Variants in SLX4 observed in about 807,000 individuals in gnomAD.
SLX4 encodes the protein SLX4 structure-specific endonuclease subunit.
A neutral mutation model predicts 146.2 loss-of-function variants in SLX4; 112 were observed. The observed-to-expected ratio is 0.77, with a 90% CI of 0.66 to 0.90. The LOEUF is 0.90. Among genes scored for constraint, SLX4 ranks in the 40% least tolerant of loss-of-function variants. The pLI is 0.00. For synonymous variants in SLX4, 1,061 were observed against 997.7 expected (o/e 1.06, Z -1.20); for missense variants, 2,563 against 2,392.7 (o/e 1.07, Z -1.49).
At position 3,600,981 on chromosome 16, in the gene SLX4, G is replaced by T; in HGVS notation, c.1161C>A (p.Phe387Leu). 2 of 1,613,508 alleles carry T rather than the reference G, an allele frequency of 1.2e-6. No homozygotes were observed. Among genetic ancestry groups the T allele is most frequent in the South Asian group, 2.2e-5 (2 of 91,028 alleles). The change falls in exon 5 of 15, where the codon TTC (phenylalanine) becomes TTA (leucine). Residue 387 changes from phenylalanine to leucine, a missense_variant and splice_region_variant. Phe to Leu is a conservative substitution (Grantham distance 22). Transcript: ENST00000294008. ...TTTCTTCCTTTTCGTCGACTTACCT[G>T]AACATGGGTGGGCTGCTGCTACCCT... The part of the protein sequence containing the change: ...QPEGSSSPPM[F>L]SFSDHSRGLK...
In SLX4 at chr16:3,589,990, C is replaced by T. The variant is rs139544666; in HGVS notation, c.3648G>A (p.Gln1216=). 1 of 1,614,096 alleles carries T rather than the reference C, an allele frequency of 6.2e-7. No individual in the cohort carries two copies. The highest frequency in any genetic ancestry group is 8.5e-7 in the Non-Finnish European group (1 of 1,180,032). Residue 1216 remains glutamine (Q), a synonymous_variant, in exon 12 of 15, where the codon CAG becomes CAA. Coordinates refer to ENST00000294008, the MANE Select transcript of SLX4 (RefSeq NM_032444.4). This position sits in a 1 kb window ranked among gnomAD's most constrained non-coding sequence, Gnocchi z 6.2. ...TCTCCGGCAGCGCCCCCTCATCCTCCTGCTGCAGCACAGCTTCGCTTCTTG... is the reference window on the plus strand; with the variant it reads ...TCTCCGGCAGCGCCCCCTCATCCTCTTGCTGCAGCACAGCTTCGCTTCTTG... ...SPPRSEAVLQ[Q]EDEGALPENR... is the part of the protein sequence containing the mutation.
At position 3,596,333 on chromosome 16, in the gene SLX4, G is replaced by A. The variant is rs1374779146; in HGVS notation, c.1744C>T (p.Arg582Ter). 4 of 1,589,168 alleles carry A rather than the reference G, an allele frequency of 2.5e-6. No individual in the cohort carries two copies. Among genetic ancestry groups the A allele is most frequent in the East Asian group, 2.3e-5 (1 of 43,964 alleles). ...GTGCCGTGGAGAGCGGGTGACCTTC[G>A]CTCGCTCAGCTCTGAGTGCTCAGGT... ...VPPEHSELSE[R>*]RSPALHGTPT... Residue 582 changes from arginine (R) to a stop codon, truncating the protein, a stop_gained, in exon 8 of 15, where the codon CGA becomes TGA. Coordinates refer to ENST00000294008, the MANE Select transcript of SLX4 (RefSeq NM_032444.4). LOFTEE classifies it high-confidence loss of function.
chr16:3,582,757 C>A, intron 14 of SLX4, 64 bp from the exon 15 acceptor site: 1 of 1,443,642 alleles, frequency 6.9e-7, no homozygotes, highest in Non-Finnish European at 9.5e-7. Flanking sequence ...GACCATGAGC[C>A]TCTTTAAAGG....
At position 3,589,260 on chromosome 16, in the gene SLX4, C is replaced by T. The variant is rs749082427; in HGVS notation, c.4378G>A (p.Glu1460Lys). ...STSSPSRRMN[E>K]AADSRDCRSP... ...CGACAGTCACGGCTGTCGGCGGCCT[C>T]GTTCATCCTGCGGCTGGGGCTGCTG... is the stretch of plus-strand genomic sequence containing the variant. The change falls in exon 12 of 15, where the codon GAG becomes AAG. Residue 1460 changes from glutamate to lysine, a missense_variant. By Grantham distance (56) the Glu-to-Lys change is moderately conservative. Coordinates refer to ENST00000294008, the MANE Select transcript of SLX4 (RefSeq NM_032444.4). This position sits in a 1 kb window ranked among gnomAD's most constrained non-coding sequence, Gnocchi z 6.2. The T allele has an allele frequency of 1.9e-6, 3 of 1,603,394 alleles. No homozygotes were observed. The highest frequency in any genetic ancestry group is 2.6e-6 in the Non-Finnish European group (3 of 1,173,254).
intron 2 of SLX4, among the ~76,000 whole-genome samples, 198 bp downstream of exon 2, chr16:3,608,232 G>A (rs768413812): frequency 5.9e-5 from 9 of 152,190 alleles, no homozygotes; most frequent in Non-Finnish European, 1.2e-4. Flanking sequence ...GTGGCTGGCT[G>A]CCTGTTTTTG....
chr16:3,582,355 A>G lies in SLX4; in HGVS notation c.5492T>C (p.Val1831Ala). Residue 1831 changes from valine (V) to alanine (A), a missense_variant, in exon 15 of 15, where the codon GTG (valine) becomes GCG (alanine). Physicochemically the swap from Val to Ala is moderately conservative, Grantham distance 64 (BLOSUM62 0). Transcript: ENST00000294008. Reference protein sequence around the residue: ...RRRQPRGKKKVERN With the variant: ...RRRQPRGKKKAERN The stretch of plus-strand genomic sequence containing the variant: ...GGGATGGCCCCATCAGTTCCGCTCC[A>G]CCTTCTTCTTGCCCCGAGGCTGCCG... The G allele has an allele frequency of 6.2e-7, 1 of 1,611,992 alleles. No individual in the cohort carries two copies. Among genetic ancestry groups the G allele is most frequent in the Middle Eastern group, 2.0e-4 (1 of 5,030 alleles).
intron 4 of SLX4, 76 bp downstream of exon 4, chr16:3,602,042 T>G (rs555994718): frequency 6.4e-7 from 1 of 1,562,582 alleles, no homozygotes; most frequent in East Asian, 2.2e-5. Context: ...GGTGTGGAGA[T>G]CCGCACTCCA....
Position 3,583,441 on chromosome 16 carries a change from G to C in SLX4, c.4809C>G (p.His1603Gln). 6.2e-7 allele frequency: 1 copy of C among 1,614,192 alleles called. No individual in the cohort carries two copies. Among genetic ancestry groups the C allele is most frequent in the Non-Finnish European group, 8.5e-7 (1 of 1,180,036 alleles). Reference sequence around the variant, plus strand: ...CCTCGGAGTCTGAGTCCAGGGTCTGGTGAGTGTACTGGAATATCTCCTTCA... The same window carrying C: ...CCTCGGAGTCTGAGTCCAGGGTCTGCTGAGTGTACTGGAATATCTCCTTCA... ...LKLKEIFQYT[H>Q]QTLDSDSEDE... is the part of the protein sequence containing the mutation. The change falls in exon 14 of 15, where the codon CAC (histidine) becomes CAG (glutamine). Residue 1603 changes from histidine (H) to glutamine (Q), a missense_variant. His to Gln is a conservative substitution (Grantham distance 24). Transcript: ENST00000294008.
intron 2 of SLX4, among the ~76,000 whole-genome samples, chr16:3,607,374 G>A (rs543206314): frequency 2.0e-5 from 3 of 152,278 alleles, no homozygotes; most frequent in African/African-American, 7.2e-5. Context: ...GGAAGTGAGG[G>A]CAAAGGAAAT....
intron 8 of SLX4, among the ~76,000 whole-genome samples, 157 bp from the exon 9 acceptor site, chr16:3,595,850 T>G (rs962659609): frequency 6.6e-6 from 1 of 152,088 alleles, no homozygotes; most frequent in Non-Finnish European, 1.5e-5. Flanking sequence ...CCGCACACCC[T>G]GTCTCACCAC....
rs2151125546 is a variant in SLX4 at position 3,591,021 on chromosome 16, C to T, written c.2617G>A (p.Ala873Thr). The T allele has an allele frequency of 6.2e-7, 1 of 1,614,210 alleles. No individual in the cohort carries two copies. Among genetic ancestry groups the T allele is most frequent in the Non-Finnish European group, 8.5e-7 (1 of 1,180,046 alleles). The change falls in exon 12 of 15, where the codon GCC becomes ACC. Residue 873 changes from alanine to threonine, a missense_variant. Ala to Thr is a moderately conservative substitution (Grantham distance 58, BLOSUM62 0). Coordinates refer to ENST00000294008, the MANE Select transcript of SLX4 (RefSeq NM_032444.4). ...KLLQEERAAGAGEDADWLEGG... is the reference protein window; with the variant it reads ...KLLQEERAAGTGEDADWLEGG... ...TCCAGCCAGTCAGCGTCCTCGCCGG[C>T]ACCCGCTGCCCTTTCTTCCTGGAGA...
In SLX4 at chr16:3,598,571, A is replaced by C. The variant is rs563938990; in HGVS notation, c.1164-572T>G. On this transcript the variant is annotated intron_variant, in intron 5 of 14. Coordinates refer to ENST00000294008, the MANE Select transcript of SLX4 (RefSeq NM_032444.4). ...CTCGTTTGGTTTGGAGGAAATGAAC[A>C]GGAGTTTCCGGCTGGAGAGAACCTA... Among the ~76,000 whole-genome samples the C allele has an allele frequency of 3.9e-5, 6 of 152,340 alleles. No homozygotes were observed. The East Asian group carries it at 9.7e-4, about 25-fold the overall frequency.
intron 9 of SLX4, among the ~76,000 whole-genome samples, chr16:3,594,919 G>A (rs2040633886): frequency 6.6e-6 from 1 of 152,202 alleles, no homozygotes; most frequent in African/African-American, 2.4e-5. Context: ...GGGACAGGCT[G>A]CGGGATACCT....
intron 4 of SLX4, 171 bp from the exon 5 acceptor site, chr16:3,601,362 C>A: frequency 1.5e-6 from 1 of 670,988 alleles, no homozygotes; most frequent in Non-Finnish European, 2.6e-6. Flanking sequence ...AGACACTACA[C>A]TTAGGTATCT....
chr16:3,581,974 C>G lies in SLX4; in HGVS notation c.*368G>C. ...AGGAGAATTGCTTGAACCCGGGAGG[C>G]GGAGGTTGCAGTGAGCCGAGATTGT... On this transcript the variant is annotated 3_prime_UTR_variant, in exon 15 of 15. Coordinates refer to ENST00000294008, the MANE Select transcript of SLX4 (RefSeq NM_032444.4). 1 of 285,008 alleles carries G rather than the reference C, an allele frequency of 3.5e-6. No homozygotes were observed. Among genetic ancestry groups the G allele is most frequent in the Non-Finnish European group, 6.7e-6 (1 of 148,704 alleles). The allele number at this position is 285,008 out of a possible 1,614,324, so 17.7% of individuals were successfully genotyped here.
chr16:3,582,972 G>T (rs891507767), intron 14 of SLX4, 125 bp downstream of exon 14: 4 of 1,313,362 alleles, frequency 3.0e-6, no homozygotes, highest in Non-Finnish European at 3.3e-6. Flanking sequence ...TTTTCCCACA[G>T]GTCAAACCCA....
Position 3,596,181 on chromosome 16 carries a change from C to A in SLX4, c.1896G>T (p.Gly632=). The change falls in exon 8 of 15, where the codon GGG becomes GGT. Residue 632 remains glycine (G), a synonymous_variant. Transcript: ENST00000294008. The part of the protein sequence containing the change: ...GLSASPWPGS[G]GLAGSEGTAG... ...CAGTCCCTTCCGAGCCAGCCAGGCC[C>A]CCACTGCCGGGCCACGGGCTGGCGC... 2 of 1,551,914 alleles carry A rather than the reference C, an allele frequency of 1.3e-6. No homozygotes were observed. Among genetic ancestry groups the A allele is most frequent in the Non-Finnish European group, 1.7e-6 (2 of 1,150,246 alleles).
Position 3,608,877 on chromosome 16 carries a change from A to C in SLX4, c.88T>G (p.Ser30Ala). Residue 30 changes from serine to alanine, a missense_variant, in exon 2 of 15, where the codon TCC becomes GCC. By Grantham distance (99) the Ser-to-Ala change is moderately conservative (BLOSUM62 1). Coordinates refer to ENST00000294008, the MANE Select transcript of SLX4 (RefSeq NM_032444.4). Reference protein sequence around the residue: ...LSACPGIDPRSSEDQPESLKT... With the variant: ...LSACPGIDPRASEDQPESLKT... ...AGGCTTTCAGGCTGGTCTTCAGAGG[A>C]GCGAGGGTCAATCCCAGGACAGGCA... 6 of 1,614,162 alleles carry C rather than the reference A, an allele frequency of 3.7e-6. No homozygotes were observed. Among genetic ancestry groups the C allele is most frequent in the Non-Finnish European group, 5.1e-6 (6 of 1,180,040 alleles).
At chr16:3,602,992 C>T (rs60876027) in intron 3 of SLX4, among the ~76,000 whole-genome samples, 2,009 of 152,312 alleles carry the variant, frequency 0.013, 44 homozygotes, top group African/African-American at 0.046. Flanking sequence ...TGGCTGTGGC[C>T]TACCAGTGCC....
Sources: gnomAD v4.1 joint callset for allele counts (sites outside exome capture counted in the v4.1 genomes callset) on GRCh38, gnomAD v4.1.1 for gene constraint, Gnocchi (gnomAD v3.1) non-coding constraint, MANE v1.5 for transcripts, NCBI Gene and HGNC (gene_info 2026-07-23, HGNC 2026-07-21) for gene names.